PLEC: variants seen among roughly 807,000 people sequenced by gnomAD.
PLEC encodes the protein plectin, also known as hemidesmosomal protein 1.
PLEC carries 216 observed loss-of-function variants against 392.8 expected under a neutral mutation model. The ratio of observed to expected loss-of-function variants is 0.55; its 90% CI spans 0.49 to 0.62. The LOEUF (loss-of-function observed/expected upper bound fraction) is 0.62, where lower values mean the gene tolerates loss of function less well. Among genes scored for constraint, PLEC ranks in the 20% least tolerant of loss-of-function variants. PLEC has a pLI of 0.00. For missense variants in PLEC, 6,863 were observed against 6,563.4 expected (o/e 1.05, Z -1.58); for synonymous variants, 3,621 against 2,980.6 (o/e 1.21, Z -7.00).
chr8:143,943,885 C>T, upstream of PLEC: 1 of 1,611,266 alleles, frequency 6.2e-7, no homozygotes, highest in Non-Finnish European at 8.5e-7. Flanking sequence ...TGCCCGAGGG[C>T]TCCATAGCCG....
chr8:143,938,121 G>A lies in PLEC; in HGVS notation c.264+30C>T, dbSNP rs139934015. ...GCAGAGGTCTCCAGGTGGGGCAGGC[G>A]GGGCCCGGAGGGGGCAGGGGCACAC... On this transcript the variant is annotated intron_variant, in intron 3 of 31. Transcript: ENST00000345136. 642 of 1,541,284 alleles carry A rather than the reference G, an allele frequency of 4.2e-4. 1 individual carries two copies. The African/African-American group carries it at 7.6e-3, about 18-fold the overall frequency.
chr8:143,940,753 AGGG>A, upstream of PLEC, among the ~76,000 whole-genome samples: 2 of 152,248 alleles, frequency 1.3e-5, no homozygotes, highest in South Asian at 4.1e-4. Flanking sequence ...TGAGGCCGTG[AGGG>A]GGCACCAGAA....
Position 143,924,622 on chromosome 8 carries a change from G to T in PLEC, c.5307C>A (p.Ala1769=). 6.5e-7 allele frequency: 1 copy of T among 1,540,246 alleles called. No homozygotes were observed. The highest frequency in any genetic ancestry group is 8.7e-7 in the Non-Finnish European group (1 of 1,149,362). The part of the protein sequence containing the change: ...KVRAEMEVLL[A]SKARAEEESR... ...ACTCCTCCTCAGCCCTCGCCTTGCT[G>T]GCCAGCAGCACCTCCATCTCGGCCC... Residue 1769 remains alanine, a synonymous_variant, in exon 31 of 32, where the codon GCC becomes GCA. Coordinates refer to ENST00000345136, the MANE Select transcript of PLEC (RefSeq NM_201384.3).
At position 143,938,703 on chromosome 8, in the gene PLEC, C is replaced by A. The variant is rs373568737; in HGVS notation, c.113-11G>T. The A allele has an allele frequency of 8.1e-6, 13 of 1,613,444 alleles. No homozygotes were observed. Among genetic ancestry groups the A allele is most frequent in the Non-Finnish European group, 1.0e-5 (12 of 1,179,812 alleles). The stretch of plus-strand genomic sequence containing the variant: ...CACGATCCCGCTCATCTGGGGGAGA[C>A]AAGACCAGCTTACCTGGGGCCTGGG... On this transcript the variant is annotated splice_polypyrimidine_tract_variant and intron_variant, in intron 1 of 31. Coordinates refer to ENST00000345136, the MANE Select transcript of PLEC (RefSeq NM_201384.3).
chr8:143,922,313 A>G lies in PLEC; in HGVS notation c.7508T>C (p.Leu2503Pro). Residue 2503 changes from leucine to proline, a missense_variant, in exon 32 of 32, where the codon CTA (leucine) becomes CCA (proline). Transcript: ENST00000345136. ...CTGCTCGATGAAGCGCTCCCGCTGT[A>G]GCAGGCTGTCCTTTTCAGAGAGGAA... The part of the protein sequence containing the change: ...QSFLSEKDSL[L>P]QRERFIEQEK... The G allele has an allele frequency of 6.2e-7, 1 of 1,607,768 alleles. No homozygotes were observed. Among genetic ancestry groups the G allele is most frequent in the Non-Finnish European group, 8.5e-7 (1 of 1,179,938 alleles).
At chr8:143,959,096 G>A (rs543851250) in intron 1 of PLEC, among the ~76,000 whole-genome samples, 2 of 152,356 alleles carry the variant, frequency 1.3e-5, no homozygotes, top group East Asian at 3.9e-4. Context: ...CCCTCCCAGT[G>A]TGAGGCGAGG....
At chr8:143,958,352 G>A (rs1456894811), upstream of PLEC, among the ~76,000 whole-genome samples, 2 of 152,104 alleles carry the variant, frequency 1.3e-5, no homozygotes, top group African/African-American at 2.4e-5. The surrounding 1 kb of genome is among the most constrained non-coding windows in gnomAD (Gnocchi z 4.9). Flanking sequence ...TCATCTCTCC[G>A]AGCCACATCC....
At chr8:143,929,374 G>A (rs974897308) in intron 24 of PLEC, 40 bp downstream of exon 24, 3 of 1,568,714 alleles carry the variant, frequency 1.9e-6, no homozygotes, top group African/African-American at 1.3e-5. Context: ...AGGAGGGATG[G>A]GGAGAGGGAT....
rs1554668092 is a variant in PLEC at position 143,916,165 on chromosome 8, G to A, written c.*12C>T. On this transcript the variant is annotated 3_prime_UTR_variant, in exon 32 of 32. Transcript: ENST00000345136. ...CTGGGCCGCATGCAGAGCGGGGTGG[G>A]CGCAGGCAGCCTCAGGCCACGGCAG... 1 of 1,529,658 alleles carries A rather than the reference G, an allele frequency of 6.5e-7. No homozygotes were observed. The highest frequency in any genetic ancestry group is 8.8e-7 in the Non-Finnish European group (1 of 1,138,588). The allele number at this position is 1,529,658 out of a possible 1,614,324, so 94.8% of individuals were successfully genotyped here. A position where few individuals can be genotyped will look rare whatever the true frequency, so the allele number is the denominator to read the frequency against.
Position 143,973,476 on chromosome 8 carries a change from G to T in PLEC, c.-4C>A, listed in dbSNP as rs782293782. ...CGTCGGGCAGCGGGCCGGCCATGCC[G>T]GCGGGCGCGGGGCGCGGGGTGCAGC... On this transcript the variant is annotated 5_prime_UTR_variant, in exon 1 of 32. Coordinates refer to the PLEC transcript ENST00000356346. This position sits in a 1 kb window ranked among gnomAD's most constrained non-coding sequence, Gnocchi z 5.6. 3 of 1,508,138 alleles carry T rather than the reference G, an allele frequency of 2.0e-6. No individual in the cohort carries two copies. The highest frequency in any genetic ancestry group is 2.5e-5 in the South Asian group (2 of 80,520). 93.4% of individuals were successfully genotyped at this position (1,508,138 alleles called of 1,614,324 possible).
upstream of PLEC, chr8:143,944,502 G>T (rs1831135700): frequency 2.1e-6 from 1 of 478,814 alleles, no homozygotes; most frequent in Admixed American, 4.2e-5. Context: ...CCAGGGCTGA[G>T]GGGGTCTGGG....
chr8:143,918,454 C>T lies in PLEC; in HGVS notation c.11367G>A (p.Glu3789=). The change falls in exon 32 of 32, where the codon GAG becomes GAA. Residue 3789 remains glutamate (E), a synonymous_variant. Coordinates refer to ENST00000345136, the MANE Select transcript of PLEC (RefSeq NM_201384.3). ...GCAGGGCCTCCTCAGTAGGGATCAG[C>T]TCCTTCTTCATGGCCTGGAAGAGCG... ...TISLFQAMKK[E]LIPTEEALRL... is the part of the protein sequence containing the mutation. 1 of 1,588,916 alleles carries T rather than the reference C, an allele frequency of 6.3e-7. No individual in the cohort carries two copies. The highest frequency in any genetic ancestry group is 8.6e-7 in the Non-Finnish European group (1 of 1,169,578).
chr8:143,931,808 G>A (rs942818346), intron 18 of PLEC, 129 bp downstream of exon 18: 2 of 1,450,220 alleles, frequency 1.4e-6, no homozygotes, highest in African/African-American at 1.4e-5. Flanking sequence ...CAAGGCCCCG[G>A]TCAGGCTGCA....
At position 143,924,446 on chromosome 8, in the gene PLEC, C is replaced by A; in HGVS notation, c.5483G>T (p.Arg1828Leu). ...CGCAAGCACCCGCTCCGCCTCGGCC[C>A]GCTGCCGCGCCGCGTCTTCCTCGGC... Reference protein sequence around the residue: ...QLAEEDAARQRAEAERVLAEK... With the variant: ...QLAEEDAARQLAEAERVLAEK... The change falls in exon 31 of 32, where the codon CGG (arginine) becomes CTG (leucine). Residue 1828 changes from arginine (R) to leucine (L), a missense_variant. By Grantham distance (102) the Arg-to-Leu change is moderately radical. Coordinates refer to ENST00000345136, the MANE Select transcript of PLEC (RefSeq NM_201384.3). 6.4e-7 allele frequency: 1 copy of A among 1,558,738 alleles called. No individual in the cohort carries two copies. Among genetic ancestry groups the A allele is most frequent in the South Asian group, 1.2e-5 (1 of 86,308 alleles).
At chr8:143,944,805 T>C (rs1456785386) in intron 1 of PLEC, 3 of 890,502 alleles carry the variant, frequency 3.4e-6, no homozygotes, top group African/African-American at 3.5e-5. Context: ...CAGCAGCAGC[T>C]TGTGGGGGAG....
At position 143,921,067 on chromosome 8, in the gene PLEC, C is replaced by G. The variant is rs1554683951; in HGVS notation, c.8754G>C (p.Gln2918His). 1 of 1,612,054 alleles carries G rather than the reference C, an allele frequency of 6.2e-7. No homozygotes were observed. The highest frequency in any genetic ancestry group is 8.5e-7 in the Non-Finnish European group (1 of 1,180,024). ...ATVSAPFGKF[Q>H]GKTVTIWEII... ...TCTCCCAAATGGTCACCGTCTTGCC[C>G]TGGAACTTGCCGAACGGCGCAGACA... Residue 2918 changes from glutamine to histidine, a missense_variant, in exon 32 of 32, where the codon CAG (glutamine) becomes CAC (histidine). Coordinates refer to ENST00000345136, the MANE Select transcript of PLEC (RefSeq NM_201384.3).
intron 1 of PLEC, chr8:143,950,046 G>T: frequency 8.7e-7 from 1 of 1,155,782 alleles, no homozygotes; most frequent in Non-Finnish European, 1.2e-6. Flanking sequence ...CGGCTAGGGG[G>T]GGCCACCTGC....
At position 143,923,536 on chromosome 8, in the gene PLEC, T is replaced by TGCCTGA. The variant is rs1554692878; in HGVS notation, c.6387_6392dup (p.Gln2132_Ala2133dup). 1.3e-6 allele frequency: 2 copies of TGCCTGA among 1,597,940 alleles called. No individual in the cohort carries two copies. Among genetic ancestry groups the TGCCTGA allele is most frequent in the Non-Finnish European group, 1.7e-6 (2 of 1,178,018 alleles). On this transcript the variant is annotated inframe_insertion, in exon 31 of 32. Transcript: ENST00000345136. ...TGCGCAGCTTCTCTGCAGCCGCCTGTGCCTGAGCCCGGGCCTGTGCCTGCT... is the reference window on the plus strand; with the variant it reads ...TGCGCAGCTTCTCTGCAGCCGCCTGTGCCTGAGCCTGAGCCCGGGCCTGTGCCTGCT...
Position 143,934,348 on chromosome 8 carries a change from C to A in PLEC, c.1139G>T (p.Arg380Leu), listed in dbSNP as rs1410648446. 2.5e-6 allele frequency: 4 copies of A among 1,612,572 alleles called. No individual in the cohort carries two copies. The highest frequency in any genetic ancestry group is 3.4e-6 in the Non-Finnish European group (4 of 1,179,934). The change falls in exon 11 of 32, where the codon CGG (arginine) becomes CTG (leucine). Residue 380 changes from arginine to leucine, a missense_variant. Physicochemically the swap from Arg to Leu is moderately radical, Grantham distance 102. Transcript: ENST00000345136. ...WGKLHVAILEREKQLRSEFER... is the reference protein window; with the variant it reads ...WGKLHVAILELEKQLRSEFER... ...AAACTCGCTGCGGAGCTGCTTCTCC[C>A]GCTCCAGGATGGCCACGTGCAGCTT...
Sources: allele counts gnomAD v4.1 joint callset (sites outside exome capture counted in the v4.1 genomes callset), GRCh38; gene constraint gnomAD v4.1.1; non-coding constraint Gnocchi (gnomAD v3.1); transcripts MANE v1.5; gene names NCBI Gene and HGNC (gene_info 2026-07-23, HGNC 2026-07-21).